KIF7: variants seen among roughly 807,000 people sequenced by gnomAD.
The protein encoded by KIF7 is kinesin family member 7.
A neutral mutation model predicts 135.7 loss-of-function variants in KIF7; 104 were observed. That is an observed-to-expected ratio of 0.77 (90% confidence interval 0.65 to 0.90). The LOEUF (loss-of-function observed/expected upper bound fraction) is 0.90, where lower values mean the gene tolerates loss of function less well. Among genes scored for constraint, KIF7 ranks in the 40% least tolerant of loss-of-function variants. The pLI is 0.00. For synonymous variants in KIF7, 883 were observed against 809.4 expected (o/e 1.09, Z -1.54); for missense variants, 2,005 against 1,839.1 (o/e 1.09, Z -1.65).
rs1439052275 is a variant in KIF7, at chr15:89,649,242, T to C, written c.655A>G (p.Thr219Ala). 19 of 1,541,038 alleles carry C rather than the reference T, an allele frequency of 1.2e-5. No homozygotes were observed. The East Asian group carries it at 2.2e-4, about 18-fold the overall frequency. ...HLNHLSSRSH[T>A]VFTVTLEQRG... ...TGCTCCAGGGTCACGGTGAAGACCG[T>C]GTGTGAGCGGCTAGACAGGTGGTTG... The change falls in exon 4 of 19, where the codon ACG becomes GCG. Residue 219 changes from threonine (T) to alanine (A), a missense_variant. By Grantham distance (58) the Thr-to-Ala change is moderately conservative. Transcript: ENST00000394412.
rs1403464053 is a variant in KIF7 at position 89,633,809 on chromosome 15, C to T, written c.2469G>A (p.Glu823=). Residue 823 remains glutamate, a synonymous_variant, in exon 12 of 19, where the codon GAG becomes GAA. Transcript: ENST00000394412. ...LSAQSEKRLQ[E]LERNVQLMRQ... is the part of the protein sequence containing the mutation. ...GCATGAGCTGCACGTTCCGCTCGAG[C>T]TCCTGCAGTCGCTTCTCACTCTGGG... 2 of 1,612,958 alleles carry T rather than the reference C, an allele frequency of 1.2e-6. No homozygotes were observed. Among genetic ancestry groups the T allele is most frequent in the Admixed American group, 3.3e-5 (2 of 60,036 alleles).
chr15:89,652,606 C>G lies in KIF7; in HGVS notation c.325G>C (p.Val109Leu). 6.6e-7 allele frequency: 1 copy of G among 1,521,300 alleles called. No individual in the cohort carries two copies. Among genetic ancestry groups the G allele is most frequent in the South Asian group, 1.2e-5 (1 of 80,706 alleles). The allele number at this position is 1,521,300 out of a possible 1,614,324, so 94.2% of individuals were successfully genotyped here. A position where few individuals can be genotyped will look rare whatever the true frequency, so the allele number is the denominator to read the frequency against. ...GKTYTMGEASVASLLEDEQGI... is the reference protein window; with the variant it reads ...GKTYTMGEASLASLLEDEQGI... ...GGCCACGAACAGGGTCACTCACCCA[C>G]ACTGGCCTCCCCCATGGTGTATGTC... The change falls in exon 2 of 19, where the codon GTG becomes CTG. Residue 109 changes from valine (V) to leucine (L), a missense_variant. By Grantham distance (32) the Val-to-Leu change is conservative. Transcript: ENST00000394412.
At chr15:89,619,602 C>T (rs371491771) in intron 1 of KIF7, 1 of 1,212,240 alleles carries the variant, frequency 8.2e-7, no homozygotes, top group Non-Finnish European at 1.2e-6. Context: ...GCTGAATTTC[C>T]ATCTTATATG....
At position 89,628,449 on chromosome 15, in the gene KIF7, C is replaced by T. The variant is rs1313527683; in HGVS notation, c.4002G>A (p.Gly1334=). The change falls in exon 19 of 19, where the codon GGG becomes GGA. Residue 1334 remains glycine, a synonymous_variant. Coordinates refer to ENST00000394412, the MANE Select transcript of KIF7 (RefSeq NM_198525.3). The stretch of plus-strand genomic sequence containing the variant: ...GGGGGTTTTTCCGGACATCAATCAT[C>T]CCCGGGCTGGCTCGTCGCAGTTCCC... ...PRRELRRASP[G]MIDVRKNPL The T allele has an allele frequency of 6.2e-7, 1 of 1,609,632 alleles. No homozygotes were observed. Among genetic ancestry groups the T allele is most frequent in the Non-Finnish European group, 8.5e-7 (1 of 1,177,882 alleles).
chr15:89,641,762 C>T (rs926220928), intron 11 of KIF7, among the ~76,000 whole-genome samples: 2 of 152,142 alleles, frequency 1.3e-5, no homozygotes, highest in African/African-American at 4.8e-5. Flanking sequence ...GATGGTGGCA[C>T]TGTACTCCAG....
downstream of KIF7, chr15:89,624,184 C>CCAAA (rs1963471897): frequency 6.2e-7 from 1 of 1,613,980 alleles, no homozygotes; most frequent in Non-Finnish European, 8.5e-7. Context: ...TATCAAAACT[C>CCAAA]CAAAAAGACC....
At chr15:89,658,145 C>G (rs888701206), upstream of KIF7, among the ~76,000 whole-genome samples, 18 of 152,176 alleles carry the variant, frequency 1.2e-4, no homozygotes, top group African/African-American at 4.3e-4. Flanking sequence ...CTGCAGTATA[C>G]AGTTTATTTC....
chr15:89,627,129 G>A (rs374167583), downstream of KIF7: 4 of 1,608,052 alleles, frequency 2.5e-6, no homozygotes, highest in African/African-American at 1.3e-5. Context: ...AGTCAGCCAG[G>A]ACCCTGTGGA....
chr15:89,627,163 C>A, downstream of KIF7: 1 of 1,566,954 alleles, frequency 6.4e-7, no homozygotes. Context: ...GATGCCTGGT[C>A]CCAAGCCTCT....
downstream of KIF7, chr15:89,627,823 C>T (rs998877657): frequency 6.5e-6 from 1 of 152,676 alleles, no homozygotes; most frequent in Non-Finnish European, 1.5e-5. Flanking sequence ...CTGGACCAGC[C>T]TGCTGCGGGT....
chr15:89,634,407 C>T (rs1021908083), intron 11 of KIF7, among the ~76,000 whole-genome samples: 2 of 152,200 alleles, frequency 1.3e-5, no homozygotes, highest in African/African-American at 2.4e-5. Flanking sequence ...GCATTTCCAT[C>T]TGAGGTACTG....
downstream of KIF7, chr15:89,624,212 C>T: frequency 6.2e-7 from 1 of 1,614,224 alleles, no homozygotes; most frequent in Non-Finnish European, 8.5e-7. Context: ...TCAACTGTGA[C>T]TTCTTCCCCA....
downstream of KIF7, chr15:89,627,004 G>C (rs141918861): frequency 1.1e-3 from 1,781 of 1,614,056 alleles, 9 homozygotes; most frequent in Non-Finnish European, 1.4e-3. Flanking sequence ...TCTCCTTTCA[G>C]TCGCGCTTTC....
upstream of KIF7, among the ~76,000 whole-genome samples, chr15:89,658,456 G>C (rs1423336963): frequency 2.6e-5 from 4 of 150,976 alleles, no homozygotes; most frequent in South Asian, 8.4e-4. Context: ...CAGAGAGAGA[G>C]AGAGAGAGAG....
At chr15:89,635,007 G>A (rs1205939144) in intron 11 of KIF7, among the ~76,000 whole-genome samples, 1 of 152,202 alleles carries the variant, frequency 6.6e-6, no homozygotes. Flanking sequence ...CTCCTCAAGT[G>A]GGTTCCTGAC....
In KIF7 at chr15:89,647,072, C is replaced by T; in HGVS notation, c.1561-15G>A. Reference sequence around the variant, plus strand: ...AGCCGGTCGCTCTGCAAGACATGGTCCAGGTGCCAAGGGGGCATGAATGCC... The same window carrying T: ...AGCCGGTCGCTCTGCAAGACATGGTTCAGGTGCCAAGGGGGCATGAATGCC... On this transcript the variant is annotated splice_polypyrimidine_tract_variant and intron_variant, in intron 6 of 18. Coordinates refer to ENST00000394412, the MANE Select transcript of KIF7 (RefSeq NM_198525.3). 2.6e-6 allele frequency: 4 copies of T among 1,564,504 alleles called. No homozygotes were observed. The South Asian group carries it at 3.5e-5, about 14-fold the overall frequency.
intron 11 of KIF7, among the ~76,000 whole-genome samples, chr15:89,638,923 C>CA: frequency 6.6e-6 from 1 of 152,058 alleles, no homozygotes; most frequent in East Asian, 1.9e-4. Flanking sequence ...ACCAAAACAG[C>CA]ATGGTACTGG....
intron 8 of KIF7, 103 bp from the exon 9 acceptor site, chr15:89,645,554 T>C: frequency 1.1e-6 from 1 of 904,462 alleles, no homozygotes; most frequent in Non-Finnish European, 1.8e-6. Flanking sequence ...GTCTTCCACC[T>C]CCCAGGGTCA....
At chr15:89,625,620 G>C (rs145565248), downstream of KIF7, 568 of 1,613,294 alleles carry the variant, frequency 3.5e-4, 2 homozygotes, top group African/African-American at 7.0e-3. Flanking sequence ...AGTTTGGGTT[G>C]AGTTCCAGGA....
Sources: gnomAD v4.1 joint callset for allele counts (sites outside exome capture counted in the v4.1 genomes callset) on GRCh38, gnomAD v4.1.1 for gene constraint, MANE v1.5 for transcripts, NCBI Gene and HGNC (gene_info 2026-07-23, HGNC 2026-07-21) for gene names.